TRPC5: variants seen among roughly 807,000 people sequenced by gnomAD.
TRPC5 encodes short transient receptor potential channel 5.
TRPC5 carries 9 observed loss-of-function variants against 56.5 expected under a neutral mutation model. That is an observed-to-expected ratio of 0.16 (90% confidence interval 0.10 to 0.28). The LOEUF is 0.28. Ranked by LOEUF, TRPC5 falls within the 10% of genes least tolerant of loss-of-function variation. The pLI, the probability that TRPC5 is intolerant of heterozygous loss-of-function variation, is 1.00. For missense variants in TRPC5, 469 were observed against 748.9 expected, an observed-to-expected ratio of 0.63 and a Z score of 4.36; for synonymous variants, 282 against 278.5, an observed-to-expected ratio of 1.01 and a Z score of -0.13.
chrX:111,803,567 T>C lies in TRPC5; in HGVS notation c.1897-21429A>G, dbSNP rs182422409. Among the ~76,000 whole-genome samples, 188 of 112,651 alleles carry C rather than the reference T, an allele frequency of 1.7e-3. No homozygotes were observed. The South Asian group carries it at 0.018, about 11-fold the overall frequency. ...CTAACTGGTGTGAGATGGTATCTCA[T>C]TGTGGTTTTGATTTGCATTTATCTG... On this transcript the variant is annotated intron_variant, in intron 7 of 10. Transcript: ENST00000262839.
intron 1 of TRPC5, among the ~76,000 whole-genome samples, chrX:112,011,806 G>A (rs1408450258): frequency 8.9e-6 from 1 of 111,944 alleles, no homozygotes; most frequent in Non-Finnish European, 1.9e-5. Context: ...TTGCTTTACA[G>A]TACCCTGGAG....
chrX:111,975,917 A>AAAC (rs1400258501), intron 1 of TRPC5, among the ~76,000 whole-genome samples: 4 of 111,354 alleles, frequency 3.6e-5, no homozygotes, highest in African/African-American at 6.5e-5. Flanking sequence ...AAGAAAAACA[A>AAAC]AACAACAACA....
intron 1 of TRPC5, among the ~76,000 whole-genome samples, chrX:111,984,508 T>C (rs1043469215): frequency 8.9e-6 from 1 of 112,083 alleles, no homozygotes; most frequent in African/African-American, 3.2e-5. Flanking sequence ...TTGGAAAGGA[T>C]ATCTTGAAAG....
chrX:111,979,687 G>GATAT (rs1171311832), intron 1 of TRPC5, among the ~76,000 whole-genome samples: 1 of 111,531 alleles, frequency 9.0e-6, no homozygotes, highest in African/African-American at 3.2e-5. Flanking sequence ...CACCAAAAAG[G>GATAT]ATATATAAAT....
In TRPC5 at chrX:111,830,022, G is replaced by A. The variant is rs181822534; in HGVS notation, c.1896+4899C>T. ...ACCAGCCTGTGAAAGCAGCCAGGATGGGGGGCTGTACCCTGCAAAGCCACA... is the reference window on the plus strand; with the variant it reads ...ACCAGCCTGTGAAAGCAGCCAGGATAGGGGGCTGTACCCTGCAAAGCCACA... On this transcript the variant is annotated intron_variant, in intron 7 of 10. Coordinates refer to ENST00000262839, the MANE Select transcript of TRPC5 (RefSeq NM_012471.3). Among the ~76,000 whole-genome samples, 10 of 113,001 alleles carry A rather than the reference G, an allele frequency of 8.8e-5. No homozygotes were observed. The Admixed American group carries it at 9.3e-4, about 10-fold the overall frequency.
intron 1 of TRPC5, among the ~76,000 whole-genome samples, chrX:112,012,343 T>G (rs772805195): frequency 1.8e-5 from 2 of 111,942 alleles, no homozygotes; most frequent in South Asian, 7.6e-4. Flanking sequence ...CTGTACAGAG[T>G]AGGCAGCAGG....
chrX:112,048,415 A>AT (rs1569530142), intron 1 of TRPC5, among the ~76,000 whole-genome samples: 17 of 107,621 alleles, frequency 1.6e-4, no homozygotes, highest in African/African-American at 5.4e-4. Flanking sequence ...AAAAAAAAAA[A>AT]AAAAAAAAAG....
intron 6 of TRPC5, among the ~76,000 whole-genome samples, chrX:111,846,413 G>A (rs919552427): frequency 1.8e-5 from 2 of 111,783 alleles, no homozygotes; most frequent in East Asian, 2.8e-4. Flanking sequence ...AATAAAAGCC[G>A]TTCTGAAGGC....
At chrX:111,986,211 A>G (rs1464349768) in intron 1 of TRPC5, among the ~76,000 whole-genome samples, 1 of 110,867 alleles carries the variant, frequency 9.0e-6, no homozygotes, top group East Asian at 2.8e-4. Context: ...TCAGCTATTC[A>G]CCCAAACAAT....
chrX:111,977,766 A>G (rs140932978), intron 1 of TRPC5, among the ~76,000 whole-genome samples: 2 of 111,964 alleles, frequency 1.8e-5, no homozygotes, highest in African/African-American at 6.5e-5. Flanking sequence ...TAACAACTCA[A>G]TACCAAAAAT....
chrX:111,905,637 G>T (rs1278782628), intron 3 of TRPC5, among the ~76,000 whole-genome samples: 2 of 111,767 alleles, frequency 1.8e-5, no homozygotes, highest in African/African-American at 6.5e-5. Flanking sequence ...GAAGGCGGCC[G>T]GACGCGGTGG....
At chrX:111,904,511 C>T (rs1925515044) in intron 3 of TRPC5, among the ~76,000 whole-genome samples, 1 of 111,315 alleles carries the variant, frequency 9.0e-6, no homozygotes, top group Admixed American at 9.6e-5. Flanking sequence ...GAAGCTATTA[C>T]CCTCAGCAAA....
chrX:111,811,729 C>T (rs1325233951), intron 7 of TRPC5, among the ~76,000 whole-genome samples: 1 of 110,981 alleles, frequency 9.0e-6, no homozygotes, highest in Non-Finnish European at 1.9e-5. Flanking sequence ...AAATACCTAC[C>T]AAGCAGAATG....
At chrX:111,905,771 T>G (rs12009998) in intron 3 of TRPC5, among the ~76,000 whole-genome samples, 5 of 108,853 alleles carry the variant, frequency 4.6e-5, no homozygotes, top group African/African-American at 6.7e-5. Context: ...AAAAATTAGC[T>G]GGGCGTGGTG....
chrX:111,975,942 C>G (rs1477196208), intron 1 of TRPC5, among the ~76,000 whole-genome samples: 3 of 110,956 alleles, frequency 2.7e-5, no homozygotes, highest in African/African-American at 9.8e-5. Context: ...CAAAAAACAA[C>G]AAAAAAATCA....
chrX:111,910,496 C>T (rs1925781013), intron 3 of TRPC5, among the ~76,000 whole-genome samples: 1 of 111,793 alleles, frequency 8.9e-6, no homozygotes, highest in Non-Finnish European at 1.9e-5. Flanking sequence ...ACGAGTCCTC[C>T]ATGTGTAAAA....
chrX:111,876,597 G>A (rs1923956280), intron 3 of TRPC5, among the ~76,000 whole-genome samples: 1 of 111,572 alleles, frequency 9.0e-6, no homozygotes, highest in Non-Finnish European at 1.9e-5. Context: ...AAGACCTAAT[G>A]CCCTGAGGGA....
At chrX:111,835,252 G>T in intron 6 of TRPC5, 136 bp from the exon 7 acceptor site, 1 of 516,988 alleles carries the variant, frequency 1.9e-6, no homozygotes. Flanking sequence ...CATATTTTGG[G>T]CTCTTCCCTA....
chrX:111,964,700 C>A (rs1003517212), intron 1 of TRPC5, among the ~76,000 whole-genome samples: 2 of 111,809 alleles, frequency 1.8e-5, no homozygotes, highest in Non-Finnish European at 3.8e-5. Flanking sequence ...ATTTTCAACC[C>A]AGAATTTCAT....
Sources: gnomAD v4.1 joint callset for allele counts (sites outside exome capture counted in the v4.1 genomes callset) on GRCh38, gnomAD v4.1.1 for gene constraint, MANE v1.5 for transcripts, NCBI Gene and HGNC (gene_info 2026-07-23, HGNC 2026-07-21) for gene names.